Variants in ZBTB17 observed in about 807,000 individuals in gnomAD.
ZBTB17 encodes zinc finger and BTB domain-containing protein 17.
In ZBTB17, 24 loss-of-function variants were observed where a neutral mutation model predicts 85.1. The ratio of observed to expected loss-of-function variants is 0.28; its 90% CI spans 0.20 to 0.40. ZBTB17 has a LOEUF of 0.40. Ranked by LOEUF, ZBTB17 falls within the 10% of genes least tolerant of loss-of-function variation. The probability of loss-of-function intolerance (pLI) is 1.00; values close to 1 mark genes in which losing one functional copy is unlikely to be tolerated. For synonymous variants in ZBTB17, 464 were observed against 460.2 expected (o/e 1.01, Z -0.11); for missense variants, 743 against 1,105.1 (o/e 0.67, Z 4.65).
At chr1:15,971,352 TAC>T (rs1475947333) in intron 2 of ZBTB17, among the ~76,000 whole-genome samples, 2 of 148,078 alleles carry the variant, frequency 1.4e-5, no homozygotes, top group Admixed American at 6.8e-5. Context: ...TATATGTACA[TAC>T]ACACACAATA....
At chr1:15,969,938 A>T in intron 2 of ZBTB17, 1 of 703,780 alleles carries the variant, frequency 1.4e-6, no homozygotes, top group Non-Finnish European at 2.5e-6. Flanking sequence ...CCTCCCATTG[A>T]TTGTCACATG....
rs1164320814 is a variant in ZBTB17, at chr1:15,944,813, C to T, written c.954G>A (p.Thr318=). The change falls in exon 8 of 16, where the codon ACG becomes ACA. Residue 318 remains threonine, a synonymous_variant. Transcript: ENST00000375743. The stretch of plus-strand genomic sequence containing the variant: ...TGCGGATGTGCCGCTTGAAGTTCCC[C>T]GTGTGCGTGAACTCCTTCCCACAGT... ...CEDCGKEFTH[T]GNFKRHIRIH... 6 of 1,607,494 alleles carry T rather than the reference C, an allele frequency of 3.7e-6. No homozygotes were observed. Among genetic ancestry groups the T allele is most frequent in the South Asian group, 1.1e-5 (1 of 90,138 alleles).
At position 15,964,864 on chromosome 1, in the gene ZBTB17, C is replaced by G. The variant is rs943561550; in HGVS notation, c.-3+8175G>C. On this transcript the variant is annotated intron_variant, in intron 2 of 15. Coordinates refer to ENST00000375743, the MANE Select transcript of ZBTB17 (RefSeq NM_003443.3). This position sits in a 1 kb window ranked among gnomAD's most constrained non-coding sequence, Gnocchi z 4.3. Reference sequence around the variant, plus strand: ...GGCACGGTGGCTCACGCCTATAATCCCAGCACTTTGGGAGGCCGAGATGGG... The same window carrying G: ...GGCACGGTGGCTCACGCCTATAATCGCAGCACTTTGGGAGGCCGAGATGGG... Among the ~76,000 whole-genome samples, 1 of 152,036 alleles carries G rather than the reference C, an allele frequency of 6.6e-6. No individual in the cohort carries two copies. The highest frequency in any genetic ancestry group is 6.5e-5 in the Admixed American group (1 of 15,268).
At chr1:15,969,868 G>A (rs1193714128) in intron 2 of ZBTB17, 2 of 594,032 alleles carry the variant, frequency 3.4e-6, no homozygotes, top group Non-Finnish European at 6.3e-6. Context: ...TTCATTGACT[G>A]TAAAATTCCC....
At chr1:15,967,191 C>T (rs747324760) in intron 2 of ZBTB17, among the ~76,000 whole-genome samples, 4 of 151,786 alleles carry the variant, frequency 2.6e-5, no homozygotes, top group Non-Finnish European at 4.4e-5. Context: ...GCCTGGGCAA[C>T]GTGGCGAAAC....
rs757761976 is a variant in ZBTB17, at chr1:15,948,368, G to A, written c.128C>T (p.Ala43Val). The change falls in exon 3 of 16, where the codon GCG (alanine) becomes GTG (valine). Residue 43 changes from alanine (A) to valine (V), a missense_variant. This residue lies in a region of ZBTB17 where 74 missense variants were observed against 142.6 expected (regional missense o/e 0.52). Coordinates refer to ENST00000375743, the MANE Select transcript of ZBTB17 (RefSeq NM_003443.3). ...CATCTTGAAGTACTCGCTGCAGGCC[G>A]CCAGCACTGCTTTATGAGCCTTAAA... ...VHFKAHKAVL[A>V]ACSEYFKMLF... 2 of 1,613,998 alleles carry A rather than the reference G, an allele frequency of 1.2e-6. No individual in the cohort carries two copies. The highest frequency in any genetic ancestry group is 1.7e-6 in the Non-Finnish European group (2 of 1,180,046).
chr1:15,947,992 G>A (rs2071683190), intron 3 of ZBTB17, among the ~76,000 whole-genome samples: 1 of 152,150 alleles, frequency 6.6e-6, no homozygotes, highest in Non-Finnish European at 1.5e-5. Context: ...GGGCCAGAGG[G>A]CATAGAGCCT....
chr1:15,961,285 T>C (rs138029178), intron 2 of ZBTB17, among the ~76,000 whole-genome samples: 115 of 152,344 alleles, frequency 7.5e-4, no homozygotes, highest in African/African-American at 2.1e-3. Flanking sequence ...GTATTATCTT[T>C]AAGATTTCCA....
intron 13 of ZBTB17, 61 bp from the exon 14 acceptor site, chr1:15,942,799 GC>G: frequency 6.3e-7 from 1 of 1,576,880 alleles, no homozygotes. Flanking sequence ...GGGGTGGGAG[GC>G]CCTCAATGAC....
rs534144339 is a variant in ZBTB17 at position 15,946,303 on chromosome 1, G to A, written c.395-9C>T. ...GGCTCTCTTGTCCCCTCCTGGAGAT[G>A]GAACAGGGCAGACCTGCCGTTTCCC... On this transcript the variant is annotated splice_polypyrimidine_tract_variant and intron_variant, in intron 4 of 15. Transcript: ENST00000375743. 345 of 1,609,706 alleles carry A rather than the reference G, an allele frequency of 2.1e-4. 2 individuals are homozygous for A. The South Asian group carries it at 3.0e-3, about 14-fold the overall frequency.
chr1:15,946,251 C>T lies in ZBTB17; in HGVS notation c.438G>A (p.Thr146=), dbSNP rs755182822. Residue 146 remains threonine, a synonymous_variant, in exon 5 of 16, where the codon ACG becomes ACA. Coordinates refer to ENST00000375743, the MANE Select transcript of ZBTB17 (RefSeq NM_003443.3). ...RAKEEKVATS[T]LSRLEQAGRS... Reference sequence around the variant, plus strand: ...GTCCTGCCTGCTCCAGCCTGCTCAGCGTGCTGGTGGCCACCTTCTCCTCTT... The same window carrying T: ...GTCCTGCCTGCTCCAGCCTGCTCAGTGTGCTGGTGGCCACCTTCTCCTCTT... The T allele has an allele frequency of 6.8e-6, 11 of 1,613,892 alleles. No individual in the cohort carries two copies. Among genetic ancestry groups the T allele is most frequent in the South Asian group, 4.4e-5 (4 of 91,086 alleles).
rs2072369124 is a variant in ZBTB17, at chr1:15,964,466, C to T, written c.-3+8573G>A. Among the ~76,000 whole-genome samples the T allele has an allele frequency of 6.6e-6, 1 of 152,172 alleles. No individual in the cohort carries two copies. Among genetic ancestry groups the T allele is most frequent in the African/African-American group, 2.4e-5 (1 of 41,432 alleles). ...GGCAAGATGGCTCACGCCTGTAATC[C>T]CAACACGTTGGGAGGCTGAGGTGGG... On this transcript the variant is annotated intron_variant, in intron 2 of 15. Coordinates refer to ENST00000375743, the MANE Select transcript of ZBTB17 (RefSeq NM_003443.3). The surrounding 1 kb of genome is among the most constrained non-coding windows in gnomAD (Gnocchi z 4.3).
intron 2 of ZBTB17, among the ~76,000 whole-genome samples, chr1:15,967,093 A>G (rs2072467977): frequency 6.6e-6 from 1 of 152,120 alleles, no homozygotes; most frequent in Non-Finnish European, 1.5e-5. Flanking sequence ...GTCACCCCAC[A>G]GGACACCACC....
In ZBTB17 at chr1:15,942,412, C is replaced by T; in HGVS notation, c.2047G>A (p.Val683Met). 6.2e-7 allele frequency: 1 copy of T among 1,613,472 alleles called. No individual in the cohort carries two copies. The highest frequency in any genetic ancestry group is 8.5e-7 in the Non-Finnish European group (1 of 1,180,012). ...TCATCGGCTGTCACTGCAGCTCCCA[C>T]CGGCACCACTGCGGGCAGAGTCGCA... ...TAVTQLTVVP[V>M]GAAVTADETE... The change falls in exon 15 of 16, where the codon GTG becomes ATG. Residue 683 changes from valine (V) to methionine (M), a missense_variant. Physicochemically the swap from Val to Met is conservative, Grantham distance 21. Around this residue, in one of 4 missense-constraint regions of ZBTB17, gnomAD observed 321 missense variants for 615.7 expected, o/e 0.52. Coordinates refer to ENST00000375743, the MANE Select transcript of ZBTB17 (RefSeq NM_003443.3).
intron 2 of ZBTB17, among the ~76,000 whole-genome samples, chr1:15,958,346 G>C (rs2072124542): frequency 6.6e-6 from 1 of 150,416 alleles, no homozygotes; most frequent in South Asian, 2.1e-4. Flanking sequence ...AAACAGGACA[G>C]CAGCTGGCCA....
At chr1:15,970,597 G>A (rs2072614622) in intron 2 of ZBTB17, among the ~76,000 whole-genome samples, 1 of 149,684 alleles carries the variant, frequency 6.7e-6, no homozygotes, top group Non-Finnish European at 1.5e-5. Context: ...CACCCAGGCT[G>A]GAGTGCAGTG....
At chr1:15,947,477 G>A (rs954080726) in intron 3 of ZBTB17, among the ~76,000 whole-genome samples, 5 of 151,546 alleles carry the variant, frequency 3.3e-5, no homozygotes, top group East Asian at 1.9e-4. Flanking sequence ...TGTGAATGCC[G>A]CCCATGCATG....
intron 1 of ZBTB17, among the ~76,000 whole-genome samples, chr1:15,974,792 T>G (rs1314499625): frequency 6.6e-6 from 1 of 152,106 alleles, no homozygotes; most frequent in Non-Finnish European, 1.5e-5. Flanking sequence ...GCCAGGCTGG[T>G]CTCGAACTCC....
intron 12 of ZBTB17, 61 bp downstream of exon 12, chr1:15,943,338 G>A: frequency 1.9e-6 from 3 of 1,581,708 alleles, no homozygotes; most frequent in Non-Finnish European, 2.6e-6. Context: ...CCCCCAGTTT[G>A]TCTTCTGAGC....
Sources: gnomAD v4.1 joint callset for allele counts (sites outside exome capture counted in the v4.1 genomes callset) on GRCh38, gnomAD v4.1.1 for gene constraint, gnomAD v4.1.1 regional missense constraint, Gnocchi (gnomAD v3.1) non-coding constraint, MANE v1.5 for transcripts, NCBI Gene and HGNC (gene_info 2026-07-23, HGNC 2026-07-21) for gene names.